The following GSK3B variants were observed in gnomAD, a reference collection of about 807,000 sequenced individuals.
The protein encoded by GSK3B is glycogen synthase kinase 3 beta.
Under a neutral mutation model 56.4 loss-of-function variants are expected in GSK3B, and 15 were observed. The observed-to-expected ratio is 0.27, with a 90% confidence interval of 0.18 to 0.41. GSK3B has a LOEUF of 0.41. Among genes scored for constraint, GSK3B ranks in the 10% least tolerant of loss-of-function variants. The pLI is 1.00. For synonymous variants in GSK3B, 181 were observed against 188.9 expected (o/e 0.96, Z 0.34); for missense variants, 300 against 513.4 (o/e 0.58, Z 4.02).
At chr3:120,018,785 T>C (rs1184794277) in intron 1 of GSK3B, among the ~76,000 whole-genome samples, 1 of 152,164 alleles carries the variant, frequency 6.6e-6, no homozygotes. Flanking sequence ...CAAAGCTACC[T>C]GAGAGACAAA....
chr3:120,020,312 CT>C (rs1360990393), intron 1 of GSK3B, among the ~76,000 whole-genome samples: 2 of 152,072 alleles, frequency 1.3e-5, no homozygotes, highest in Non-Finnish European at 2.9e-5. Context: ...AGGAACATGC[CT>C]AAGAGAAAAA....
At chr3:119,844,135 G>C (rs147902833) in intron 9 of GSK3B, among the ~76,000 whole-genome samples, 2 of 152,238 alleles carry the variant, frequency 1.3e-5, no homozygotes, top group East Asian at 1.9e-4. Flanking sequence ...TGAGAACAAA[G>C]ACACAACATA....
intron 2 of GSK3B, among the ~76,000 whole-genome samples, chr3:119,998,564 ACATTTT>A (rs1001706187): frequency 8.5e-5 from 13 of 152,238 alleles, no homozygotes; most frequent in Non-Finnish European, 1.5e-5. Flanking sequence ...CTACAAGATT[ACATTTT>A]AAATGGGTTT....
intron 1 of GSK3B, among the ~76,000 whole-genome samples, chr3:120,055,782 G>C (rs2058187044): frequency 6.6e-6 from 1 of 152,070 alleles, no homozygotes; most frequent in Non-Finnish European, 1.5e-5. Flanking sequence ...TTTCAACAAA[G>C]AATATTAGCC....
At chr3:119,929,901 C>CAA (rs202140622) in intron 3 of GSK3B, among the ~76,000 whole-genome samples, 2 of 139,640 alleles carry the variant, frequency 1.4e-5, no homozygotes, top group South Asian at 2.2e-4. Context: ...AACTCTGCCT[C>CAA]AAAAAAAAAA....
chr3:120,024,384 TG>T (rs982251551), intron 1 of GSK3B, among the ~76,000 whole-genome samples: 9 of 152,312 alleles, frequency 5.9e-5, no homozygotes, highest in Admixed American at 5.9e-4. Context: ...ATGGTATTTC[TG>T]GGAGAGTATA....
chr3:120,032,797 A>G (rs190331088), intron 1 of GSK3B, among the ~76,000 whole-genome samples: 18 of 152,358 alleles, frequency 1.2e-4, no homozygotes, highest in African/African-American at 4.3e-4. Context: ...TCCAATATGT[A>G]CATTTCCCTA....
At chr3:119,899,660 C>T (rs1205811361) in intron 7 of GSK3B, among the ~76,000 whole-genome samples, 1 of 152,092 alleles carries the variant, frequency 6.6e-6, no homozygotes, top group Non-Finnish European at 1.5e-5. Context: ...ATGTAACTCT[C>T]AACTTCTGTA....
rs536297710 is a variant in GSK3B, at chr3:120,008,592, C to T, written c.89-6353G>A. ...CATCTGATCTCTGACAAATCTGACACGCACAGGCAATGGGGAAAAGATTCC... is the reference window on the plus strand; with the variant it reads ...CATCTGATCTCTGACAAATCTGACATGCACAGGCAATGGGGAAAAGATTCC... On this transcript the variant is annotated intron_variant, in intron 1 of 10. Coordinates refer to ENST00000264235, the MANE Select transcript of GSK3B (RefSeq NM_001146156.2). Among the ~76,000 whole-genome samples, 11 of 152,134 alleles carry T rather than the reference C, an allele frequency of 7.2e-5. No individual in the cohort carries two copies. In the South Asian group the frequency reaches 1.4e-3, roughly 20 times the overall value.
chr3:120,055,355 A>G (rs1251609682), intron 1 of GSK3B, among the ~76,000 whole-genome samples: 2 of 152,308 alleles, frequency 1.3e-5, no homozygotes, highest in South Asian at 4.1e-4. Flanking sequence ...CAATATTGAA[A>G]TAACCTCCAT....
intron 2 of GSK3B, among the ~76,000 whole-genome samples, chr3:119,955,717 G>A (rs1160779166): frequency 2.0e-5 from 3 of 152,040 alleles, no homozygotes; most frequent in Non-Finnish European, 4.4e-5. Flanking sequence ...GCAGTGGCAT[G>A]ATCTCAAATC....
chr3:119,947,607 T>A (rs1051399067), intron 2 of GSK3B, among the ~76,000 whole-genome samples: 1 of 152,096 alleles, frequency 6.6e-6, no homozygotes, highest in African/African-American at 2.4e-5. Context: ...AGAGAATAAA[T>A]TGATATCTAA....
Position 119,960,321 on chromosome 3 carries a change from T to G in GSK3B, c.283-12970A>C, listed in dbSNP as rs140932015. Among the ~76,000 whole-genome samples, 641 of 152,014 alleles carry G rather than the reference T, an allele frequency of 4.2e-3. 4 individuals are homozygous for G. The highest frequency in any genetic ancestry group is 0.015 in the African/African-American group (617 of 41,482). ...GGTGGAGTAATGGCAGGGAGAGAAG[T>G]CAATGTGGTTATAAAAGGGCAGTAA... is the stretch of plus-strand genomic sequence containing the variant. On this transcript the variant is annotated intron_variant, in intron 2 of 10. Transcript: ENST00000264235.
At chr3:119,928,612 T>TAAAAAAAAAAAAAAAAAAAAAAAAA (rs1160252679) in intron 3 of GSK3B, among the ~76,000 whole-genome samples, 1 of 67,028 alleles carries the variant, frequency 1.5e-5, no homozygotes, top group African/African-American at 4.7e-5. Context: ...ATCAAAAAAA[T>TAAAAAAAAAAAAAAAAAAAAAAAAA]AAAAAAAAAA....
intron 2 of GSK3B, among the ~76,000 whole-genome samples, chr3:119,991,067 T>C (rs2057560266): frequency 6.6e-6 from 1 of 152,152 alleles, no homozygotes; most frequent in South Asian, 2.1e-4. Context: ...ACTTGAAACC[T>C]ATGACTCACT....
At chr3:119,914,924 AAGAAT>A (rs1384360947) in intron 5 of GSK3B, among the ~76,000 whole-genome samples, 1 of 152,098 alleles carries the variant, frequency 6.6e-6, no homozygotes, top group East Asian at 1.9e-4. Context: ...CTATGGTGAA[AAGAAT>A]CTGTAACAAG....
At chr3:119,928,716 G>C (rs1405987026) in intron 3 of GSK3B, among the ~76,000 whole-genome samples, 1 of 150,272 alleles carries the variant, frequency 6.7e-6, no homozygotes, top group Non-Finnish European at 1.5e-5. Flanking sequence ...ATATAGCATA[G>C]TAATTAAGAA....
chr3:120,046,935 C>T (rs990970736), intron 1 of GSK3B, among the ~76,000 whole-genome samples: 2 of 152,076 alleles, frequency 1.3e-5, no homozygotes, highest in Admixed American at 1.3e-4. Flanking sequence ...TAGACTAGAC[C>T]ATCACATTAC....
At chr3:119,929,525 T>C (rs1228441637) in intron 3 of GSK3B, among the ~76,000 whole-genome samples, 1 of 151,982 alleles carries the variant, frequency 6.6e-6, no homozygotes, top group African/African-American at 2.4e-5. Context: ...CCCAGCACTG[T>C]AGGAGGCCAA....
Sources: allele counts gnomAD v4.1 joint callset (sites outside exome capture counted in the v4.1 genomes callset), GRCh38; gene constraint gnomAD v4.1.1; transcripts MANE v1.5; gene names NCBI Gene and HGNC (gene_info 2026-07-23, HGNC 2026-07-21).